DGKH: variants seen among roughly 807,000 people sequenced by gnomAD.
The protein encoded by DGKH is DAG kinase eta.
In DGKH, 90 loss-of-function variants were observed where a neutral mutation model predicts 159.3. The ratio of observed to expected loss-of-function variants is 0.57; its 90% confidence interval spans 0.48 to 0.67. DGKH has a LOEUF of 0.67. Ranked by LOEUF, DGKH falls within the 30% of genes least tolerant of loss-of-function variation. The pLI is 0.00. For missense variants in DGKH, 1,181 were observed against 1,506.1 expected, an observed-to-expected ratio of 0.78 and a Z score of 3.57; for synonymous variants, 536 against 553.8, an observed-to-expected ratio of 0.97 and a Z score of 0.45.
Position 42,238,467 on chromosome 13 carries a change from A to G in DGKH, c.*9279A>G, listed in dbSNP as rs750370981. On this transcript the variant is annotated 3_prime_UTR_variant, in exon 30 of 30. Coordinates refer to ENST00000337343, the MANE Select transcript of DGKH (RefSeq NM_178009.5). The stretch of plus-strand genomic sequence containing the variant: ...AATACTTAAGCCAAATGACAATTTT[A>G]TAGATGTGAATATATGTTTTTTAAA... 6 of 152,186 alleles carry G rather than the reference A, an allele frequency of 3.9e-5. No homozygotes were observed. The highest frequency in any genetic ancestry group is 8.8e-5 in the Non-Finnish European group (6 of 68,012). 9.4% of individuals were successfully genotyped at this position (152,186 alleles called of 1,614,324 possible).
At chr13:42,144,985 G>A (rs1222165354) in intron 3 of DGKH, among the ~76,000 whole-genome samples, 1 of 152,186 alleles carries the variant, frequency 6.6e-6, no homozygotes, top group Non-Finnish European at 1.5e-5. Flanking sequence ...AAGTGCTTGT[G>A]CCATGGCATT....
chr13:42,122,266 C>T (rs758513910), intron 1 of DGKH, among the ~76,000 whole-genome samples: 1 of 152,094 alleles, frequency 6.6e-6, no homozygotes, highest in African/African-American at 2.4e-5. Flanking sequence ...TTTCTTAGTT[C>T]ATTTTTCTTG....
intron 25 of DGKH, among the ~76,000 whole-genome samples, chr13:42,215,017 CT>C (rs1400354373): frequency 6.6e-6 from 1 of 151,890 alleles, no homozygotes; most frequent in African/African-American, 2.4e-5. Flanking sequence ...GAAATTATTC[CT>C]ACTTCATTTT....
intron 11 of DGKH, 68 bp from the exon 12 acceptor site, chr13:42,173,992 T>G: frequency 4.4e-5 from 49 of 1,109,038 alleles, no homozygotes; most frequent in Non-Finnish European, 5.6e-5. Flanking sequence ...TGCGCGTTTA[T>G]GAGATGCTAA....
intron 29 of DGKH, among the ~76,000 whole-genome samples, chr13:42,228,715 GAAAGAAA>G (rs1958210289): frequency 6.9e-6 from 1 of 145,804 alleles, no homozygotes; most frequent in Non-Finnish European, 1.5e-5. Flanking sequence ...AAGAAAGAAA[GAAAGAAA>G]AGAAAGAAAG....
intron 3 of DGKH, among the ~76,000 whole-genome samples, chr13:42,144,374 A>T (rs1955662223): frequency 6.6e-6 from 1 of 152,142 alleles, no homozygotes; most frequent in Non-Finnish European, 1.5e-5. Context: ...ATGTGCACGA[A>T]AATCTTAGGG....
At chr13:42,165,498 T>C in intron 8 of DGKH, 65 bp downstream of exon 8, 1 of 858,506 alleles carries the variant, frequency 1.2e-6, no homozygotes, top group Admixed American at 3.0e-5. Flanking sequence ...TATATTTCTT[T>C]TCCTAGAATA....
At chr13:42,108,369 A>G (rs1408565687) in intron 1 of DGKH, among the ~76,000 whole-genome samples, 1 of 152,188 alleles carries the variant, frequency 6.6e-6, no homozygotes, top group Non-Finnish European at 1.5e-5. Flanking sequence ...TGGGGTTCCT[A>G]AGCAGTGCTT....
At position 42,209,336 on chromosome 13, in the gene DGKH, T is replaced by A. The variant is rs1209434919; in HGVS notation, c.2721T>A (p.Arg907=). Residue 907 remains arginine (R), a synonymous_variant, in exon 23 of 30, where the codon CGT becomes CGA. Transcript: ENST00000337343. ...KLQHHRIAQC[R]TVKITIFGDE... ...AATGATTTGTTTTATTTCAGTGCCG[T>A]ACAGTGAAAATCACTATATTTGGTG... 6.2e-7 allele frequency: 1 copy of A among 1,611,074 alleles called. No individual in the cohort carries two copies. The highest frequency in any genetic ancestry group is 1.7e-5 in the Admixed American group (1 of 59,130).
At chr13:42,103,115 G>A (rs1265118854) in intron 1 of DGKH, among the ~76,000 whole-genome samples, 2 of 152,202 alleles carry the variant, frequency 1.3e-5, no homozygotes, top group Non-Finnish European at 2.9e-5. Context: ...CTGGGATCAG[G>A]AGATTGTTGT....
chr13:42,046,966 A>C (rs184625038), upstream of DGKH, among the ~76,000 whole-genome samples: 24 of 152,352 alleles, frequency 1.6e-4, no homozygotes, highest in Non-Finnish European at 2.6e-4. Context: ...GTCCATGACC[A>C]AACAGGTGGG....
chr13:42,072,777 A>G (rs1883052783), intron 1 of DGKH, among the ~76,000 whole-genome samples: 1 of 152,206 alleles, frequency 6.6e-6, no homozygotes, highest in Non-Finnish European at 1.5e-5. Flanking sequence ...TTCAACTAAT[A>G]AAAGTCCCTC....
At chr13:42,040,600 G>A (rs1198968790) in intron 1 of DGKH, among the ~76,000 whole-genome samples, 2 of 151,798 alleles carry the variant, frequency 1.3e-5, no homozygotes, top group African/African-American at 4.8e-5. Context: ...AGGCTGCGGC[G>A]GTGGCGGGGA....
chr13:42,205,389 G>A (rs1957439780), intron 20 of DGKH, among the ~76,000 whole-genome samples: 2 of 152,116 alleles, frequency 1.3e-5, no homozygotes, highest in Admixed American at 6.6e-5. Context: ...TATGAGAGAA[G>A]GTAACAGTTC....
chr13:42,246,818 G>A (rs1470027646), downstream of DGKH, among the ~76,000 whole-genome samples: 3 of 152,102 alleles, frequency 2.0e-5, no homozygotes, highest in Non-Finnish European at 2.9e-5. Flanking sequence ...CTGAGATCTC[G>A]TTTAATTTGT....
intron 17 of DGKH, among the ~76,000 whole-genome samples, chr13:42,196,699 AAC>A (rs1957211161): frequency 6.6e-6 from 1 of 152,248 alleles, no homozygotes. Context: ...TTTTAGAATT[AAC>A]AGTGATGGTT....
intron 29 of DGKH, among the ~76,000 whole-genome samples, chr13:42,223,382 C>T (rs17599277): frequency 0.13 from 20,298 of 152,168 alleles, 1,715 homozygotes; most frequent in Admixed American, 0.23. Flanking sequence ...TAGCACCAAC[C>T]GGCTACTTGG....
At position 42,090,907 on chromosome 13, in the gene DGKH, C is replaced by T. The variant is rs571715152; in HGVS notation, c.193-36556C>T. ...GTGTGCTTCTCTTCTGCTCTTCTGC[C>T]GGTGAGGAGACAGCGTTCCTTCTCT... On this transcript the variant is annotated intron_variant, in intron 1 of 29. Coordinates refer to ENST00000337343, the MANE Select transcript of DGKH (RefSeq NM_178009.5). 2.4e-4 allele frequency among the ~76,000 whole-genome samples: 37 copies of T among 152,206 alleles called. 1 individual carries two copies. The highest frequency in any genetic ancestry group is 6.8e-3 in the Middle Eastern group (2 of 294).
chr13:42,104,762 A>G (rs551442008), intron 1 of DGKH, among the ~76,000 whole-genome samples: 2 of 152,306 alleles, frequency 1.3e-5, no homozygotes, highest in African/African-American at 2.4e-5. Context: ...GGATCTTTCT[A>G]TCTGGAGACC....
Sources: allele counts gnomAD v4.1 joint callset (sites outside exome capture counted in the v4.1 genomes callset), GRCh38; gene constraint gnomAD v4.1.1; transcripts MANE v1.5; gene names NCBI Gene and HGNC (gene_info 2026-07-23, HGNC 2026-07-21).